Variants in LRMDA observed in about 807,000 individuals in gnomAD.
LRMDA encodes leucine-rich melanocyte differentiation-associated protein.
Under a neutral mutation model 29.8 loss-of-function variants are expected in LRMDA, and 18 were observed. The observed-to-expected ratio is 0.60, with a 90% CI of 0.42 to 0.90. LRMDA has a LOEUF of 0.90. LRMDA is among the 40% of genes least tolerant of loss of function. LRMDA has a pLI of 0.00. For synonymous variants in LRMDA, 125 were observed against 109.4 expected, an observed-to-expected ratio of 1.14 and a Z score of -0.89; for missense variants, 273 against 273.9, an observed-to-expected ratio of 1.00 and a Z score of 0.02.
intron 2 of LRMDA, among the ~76,000 whole-genome samples, chr10:75,692,668 A>G (rs11001468): frequency 0.04 from 6,097 of 151,050 alleles, 314 homozygotes; most frequent in African/African-American, 0.12. Context: ...AAATCCAGAA[A>G]ATAGGTTTCT....
At chr10:76,433,529 C>T (rs886117723) in intron 6 of LRMDA, among the ~76,000 whole-genome samples, 4 of 152,182 alleles carry the variant, frequency 2.6e-5, no homozygotes, top group African/African-American at 9.7e-5. Context: ...TACAGACAGG[C>T]TTGTGCGATT....
Position 75,753,010 on chromosome 10 carries a change from TTG to T in LRMDA, c.132-282994_132-282993del, listed in dbSNP as rs199987590. Among the ~76,000 whole-genome samples, 928 of 152,290 alleles carry T rather than the reference TTG, an allele frequency of 6.1e-3. 12 individuals carry two copies. Among genetic ancestry groups the T allele is most frequent in the African/African-American group, 0.021 (878 of 41,566 alleles). The stretch of plus-strand genomic sequence containing the variant: ...AGTTTTCTTTGCCTGTGGTTTGAGA[TTG>T]TGTCTGATTCAGATAGGAGAAGAGG... On this transcript the variant is annotated intron_variant, in intron 2 of 6. Transcript: ENST00000611255.
chr10:76,070,103 A>G (rs1203747449), intron 5 of LRMDA, among the ~76,000 whole-genome samples: 4 of 152,182 alleles, frequency 2.6e-5, no homozygotes, highest in Admixed American at 2.0e-4. Flanking sequence ...AAATGAGATA[A>G]TCTGTGGCAG....
At chr10:76,060,076 CCTT>C (rs1031386265) in intron 5 of LRMDA, among the ~76,000 whole-genome samples, 6 of 152,108 alleles carry the variant, frequency 3.9e-5, no homozygotes, top group African/African-American at 1.4e-4. Flanking sequence ...TATTTCTTGG[CCTT>C]CTTTTTATTT....
At chr10:76,463,917 A>ATTTTTTTTTTTTTTTTTTTT (rs763472626) in intron 6 of LRMDA, among the ~76,000 whole-genome samples, 4 of 112,886 alleles carry the variant, frequency 3.5e-5, no homozygotes, top group Non-Finnish European at 3.6e-5. Flanking sequence ...TGCAAAATAA[A>ATTTTTTTTTTTTTTTTTTTT]TTTTTTTTTT....
intron 5 of LRMDA, among the ~76,000 whole-genome samples, chr10:76,154,062 T>G (rs1201563138): frequency 6.6e-6 from 1 of 152,244 alleles, no homozygotes; most frequent in Non-Finnish European, 1.5e-5. Flanking sequence ...CTTGTATTGG[T>G]CCCTCTTTCT....
intron 2 of LRMDA, among the ~76,000 whole-genome samples, chr10:75,838,541 CTG>C (rs1295897571): frequency 6.6e-6 from 1 of 152,142 alleles, no homozygotes; most frequent in Non-Finnish European, 1.5e-5. Context: ...GTCATCCAGA[CTG>C]TGAGTTCAGG....
intron 2 of LRMDA, among the ~76,000 whole-genome samples, chr10:75,844,316 G>T (rs975698228): frequency 2.0e-5 from 3 of 152,094 alleles, no homozygotes; most frequent in Non-Finnish European, 4.4e-5. Context: ...TAGGCTATTT[G>T]GAGGACAGGC....
rs143937927 is a variant in LRMDA at position 76,385,034 on chromosome 10, T to C, written c.601+60549T>C. ...TACAGGCAAAGCTTATGGCAAAAGGTGGTGAAAGGCAAAATTCCAATAGCA... is the reference window on the plus strand; with the variant it reads ...TACAGGCAAAGCTTATGGCAAAAGGCGGTGAAAGGCAAAATTCCAATAGCA... On this transcript the variant is annotated intron_variant, in intron 6 of 6. Coordinates refer to ENST00000611255, the MANE Select transcript of LRMDA (RefSeq NM_001305581.2). Among the ~76,000 whole-genome samples, 17 of 152,238 alleles carry C rather than the reference T, an allele frequency of 1.1e-4. No homozygotes were observed. In the East Asian group the frequency reaches 3.3e-3, roughly 29 times the overall value.
chr10:76,249,339 C>A (rs968559941), intron 5 of LRMDA, among the ~76,000 whole-genome samples: 1 of 152,130 alleles, frequency 6.6e-6, no homozygotes, highest in African/African-American at 2.4e-5. Context: ...AATTCATGAT[C>A]CAGGGTGAAG....
chr10:76,435,189 C>A (rs994421612), intron 6 of LRMDA, among the ~76,000 whole-genome samples: 7 of 152,156 alleles, frequency 4.6e-5, no homozygotes, highest in Non-Finnish European at 1.0e-4. Flanking sequence ...TAGAGATTAT[C>A]GGCCCAAGCA....
At chr10:76,052,181 C>A (rs1848540744) in intron 4 of LRMDA, among the ~76,000 whole-genome samples, 1 of 152,092 alleles carries the variant, frequency 6.6e-6, no homozygotes, top group Admixed American at 6.5e-5. Context: ...TCACTGCCTC[C>A]AAAGAATAGA....
chr10:76,067,844 C>G (rs902075870), intron 5 of LRMDA, among the ~76,000 whole-genome samples: 5 of 152,222 alleles, frequency 3.3e-5, no homozygotes, highest in Non-Finnish European at 5.9e-5. Flanking sequence ...AGACCAGGGC[C>G]TTGCTGTCTT....
intron 6 of LRMDA, among the ~76,000 whole-genome samples, chr10:76,515,248 A>G (rs1354475359): frequency 6.6e-6 from 1 of 152,220 alleles, no homozygotes; most frequent in Non-Finnish European, 1.5e-5. Flanking sequence ...GTAACTCCAT[A>G]GTTCATTGAA....
rs141748743 is a variant in LRMDA, at chr10:76,395,008, A to G, written c.601+70523A>G. Among the ~76,000 whole-genome samples the G allele has an allele frequency of 8.5e-5, 13 of 152,300 alleles. 1 individual carries two copies. The highest frequency in any genetic ancestry group is 3.1e-4 in the African/African-American group (13 of 41,564). ...TAGGCTTAATTCTCATAAGTAGAAC[A>G]TATCTAAGAAGAGTAGGCTTTTGAG... On this transcript the variant is annotated intron_variant, in intron 6 of 6. Coordinates refer to ENST00000611255, the MANE Select transcript of LRMDA (RefSeq NM_001305581.2).
At chr10:75,630,934 G>T (rs1841313990) in intron 2 of LRMDA, among the ~76,000 whole-genome samples, 1 of 152,170 alleles carries the variant, frequency 6.6e-6, no homozygotes, top group African/African-American at 2.4e-5. Context: ...TGGCTATGTG[G>T]ATATAAACAT....
chr10:76,542,130 T>C (rs11001815), intron 6 of LRMDA, among the ~76,000 whole-genome samples: 62,607 of 151,964 alleles, frequency 0.41, 13,901 homozygotes, highest in African/African-American at 0.54. Context: ...AGCCATCTCA[T>C]AGGAGTTTGC....
At chr10:76,429,066 C>T (rs534414783) in intron 6 of LRMDA, among the ~76,000 whole-genome samples, 2 of 140,472 alleles carry the variant, frequency 1.4e-5, no homozygotes, top group Non-Finnish European at 3.1e-5. Flanking sequence ...ACATTCCCCA[C>T]ACTGGCATGC....
In LRMDA at chr10:75,682,820, C is replaced by G. The variant is rs553454191; in HGVS notation, c.131+244326C>G. Among the ~76,000 whole-genome samples the G allele has an allele frequency of 2.6e-5, 4 of 152,188 alleles. No individual in the cohort carries two copies. In the East Asian group the frequency reaches 7.7e-4, roughly 29 times the overall value. ...TGTTTGACTCAGCGCAGCATCAATCCCCCTGAGACTGGCCTGTTAAAAGTG... is the reference window on the plus strand; with the variant it reads ...TGTTTGACTCAGCGCAGCATCAATCGCCCTGAGACTGGCCTGTTAAAAGTG... On this transcript the variant is annotated intron_variant, in intron 2 of 6. Coordinates refer to ENST00000611255, the MANE Select transcript of LRMDA (RefSeq NM_001305581.2).
Sources: gnomAD v4.1 joint callset for allele counts (sites outside exome capture counted in the v4.1 genomes callset) on GRCh38, gnomAD v4.1.1 for gene constraint, MANE v1.5 for transcripts, NCBI Gene and HGNC (gene_info 2026-07-23, HGNC 2026-07-21) for gene names.